SGCZ: variants seen among roughly 807,000 people sequenced by gnomAD.
SGCZ encodes sarcoglycan zeta, also known as zeta-sarcoglycan.
Under a neutral mutation model 41.3 loss-of-function variants are expected in SGCZ, and 40 were observed. That is an observed-to-expected ratio of 0.97 (90% confidence interval 0.75 to 1.26). SGCZ has a LOEUF of 1.26. Ranked by LOEUF, SGCZ falls within the 50% of genes most tolerant of loss-of-function variation. SGCZ has a pLI of 0.00. For synonymous variants in SGCZ, 206 were observed against 137.5 expected (o/e 1.50, Z -3.49); for missense variants, 552 against 369.8 (o/e 1.49, Z -4.04).
intron 1 of SGCZ, among the ~76,000 whole-genome samples, chr8:15,078,568 T>C (rs1805629596): frequency 6.6e-6 from 1 of 152,056 alleles, no homozygotes; most frequent in Non-Finnish European, 1.5e-5. Flanking sequence ...ACATTTTGAG[T>C]CCATTGGTGA....
intron 2 of SGCZ, among the ~76,000 whole-genome samples, chr8:14,543,395 A>G (rs527481555): frequency 4.0e-4 from 61 of 151,558 alleles, no homozygotes; most frequent in Admixed American, 3.3e-4. Flanking sequence ...TGAGTTCTTA[A>G]AACACAGTTT....
intron 3 of SGCZ, among the ~76,000 whole-genome samples, chr8:14,267,333 A>G (rs1018445058): frequency 3.3e-4 from 50 of 152,066 alleles, no homozygotes; most frequent in African/African-American, 9.7e-4. Flanking sequence ...CACGGGAGGA[A>G]AAAAGCATGG....
intron 1 of SGCZ, among the ~76,000 whole-genome samples, chr8:14,921,451 T>A (rs913893559): frequency 1.3e-5 from 2 of 152,058 alleles, no homozygotes; most frequent in South Asian, 2.1e-4. Context: ...TTAAAGGGCA[T>A]AATACATTTT....
At chr8:14,582,823 A>G (rs1245821607) in intron 1 of SGCZ, among the ~76,000 whole-genome samples, 1 of 151,056 alleles carries the variant, frequency 6.6e-6, no homozygotes, top group Non-Finnish European at 1.5e-5. Context: ...CCATGTCCCT[A>G]CAAAGGACAT....
intron 2 of SGCZ, among the ~76,000 whole-genome samples, chr8:14,487,027 A>G (rs1801694956): frequency 6.6e-6 from 1 of 152,156 alleles, no homozygotes; most frequent in African/African-American, 2.4e-5. Context: ...CAATCAGAAC[A>G]GTGACGTGTT....
chr8:14,556,370 A>G (rs1266445768), intron 1 of SGCZ, among the ~76,000 whole-genome samples: 1 of 151,814 alleles, frequency 6.6e-6, no homozygotes, highest in African/African-American at 2.4e-5. Context: ...TAAGTAATAT[A>G]AAATATATGT....
chr8:14,783,156 G>A (rs1322985583), intron 1 of SGCZ, among the ~76,000 whole-genome samples: 4 of 152,044 alleles, frequency 2.6e-5, no homozygotes, highest in South Asian at 2.1e-4. Flanking sequence ...GTATATGGCC[G>A]GGCACGGTGG....
At chr8:14,403,152 T>G (rs1799123550) in intron 2 of SGCZ, among the ~76,000 whole-genome samples, 1 of 150,322 alleles carries the variant, frequency 6.7e-6, no homozygotes, top group Non-Finnish European at 1.5e-5. Flanking sequence ...ATCCCGAGAC[T>G]TTGCTGAAGT....
At chr8:14,629,528 G>C (rs80030371) in intron 1 of SGCZ, among the ~76,000 whole-genome samples, 1 of 151,624 alleles carries the variant, frequency 6.6e-6, no homozygotes, top group Non-Finnish European at 1.5e-5. Context: ...AAGTGCATAA[G>C]ATATCGGGAA....
At chr8:15,048,632 T>C (rs1000244545) in intron 1 of SGCZ, among the ~76,000 whole-genome samples, 15 of 151,998 alleles carry the variant, frequency 9.9e-5, no homozygotes, top group Admixed American at 3.3e-4. Context: ...ATTTTAAAAA[T>C]TGTGAAAAAG....
At chr8:14,812,604 A>C (rs755268204) in intron 1 of SGCZ, among the ~76,000 whole-genome samples, 4 of 152,100 alleles carry the variant, frequency 2.6e-5, no homozygotes, top group Non-Finnish European at 5.9e-5. Context: ...AATGGCCTCC[A>C]AACACCCTAA....
chr8:14,591,988 T>C (rs1489992230), intron 1 of SGCZ, among the ~76,000 whole-genome samples: 3 of 152,140 alleles, frequency 2.0e-5, no homozygotes, highest in African/African-American at 7.2e-5. Flanking sequence ...TAAACAGTTA[T>C]TGGAACAATT....
chr8:14,323,164 A>C (rs1801986606), intron 3 of SGCZ, among the ~76,000 whole-genome samples: 1 of 152,102 alleles, frequency 6.6e-6, no homozygotes, highest in African/African-American at 2.4e-5. Context: ...TAAATGTTTT[A>C]TGAGAAGCAA....
At chr8:15,054,560 A>T (rs77702572) in intron 1 of SGCZ, among the ~76,000 whole-genome samples, 1 of 152,192 alleles carries the variant, frequency 6.6e-6, no homozygotes, top group Non-Finnish European at 1.5e-5. Context: ...GCCGTAGTAT[A>T]TAACAGTTTA....
intron 1 of SGCZ, among the ~76,000 whole-genome samples, chr8:15,216,649 A>G (rs150819080): frequency 6.6e-6 from 1 of 152,300 alleles, no homozygotes; most frequent in East Asian, 1.9e-4. Context: ...CTCACTATTA[A>G]AGAAAATATG....
At chr8:15,197,612 A>G (rs990457303) in intron 1 of SGCZ, among the ~76,000 whole-genome samples, 5 of 152,152 alleles carry the variant, frequency 3.3e-5, no homozygotes, top group Non-Finnish European at 7.3e-5. Flanking sequence ...TGAAAATCAG[A>G]ATGAATAAAG....
At chr8:14,928,947 A>G (rs923946507) in intron 1 of SGCZ, among the ~76,000 whole-genome samples, 1 of 152,150 alleles carries the variant, frequency 6.6e-6, no homozygotes, top group African/African-American at 2.4e-5. Flanking sequence ...GCTTGATGTT[A>G]TGAAATTCAT....
intron 3 of SGCZ, among the ~76,000 whole-genome samples, chr8:14,246,538 T>C (rs1196872730): frequency 6.6e-6 from 1 of 151,398 alleles, no homozygotes; most frequent in African/African-American, 2.4e-5. Flanking sequence ...ATGGCACATG[T>C]ATACATATGT....
At chr8:15,117,503 A>G (rs1807317215) in intron 1 of SGCZ, among the ~76,000 whole-genome samples, 2 of 152,198 alleles carry the variant, frequency 1.3e-5, no homozygotes, top group Admixed American at 1.3e-4. Flanking sequence ...ACAGAGGGAG[A>G]AGAGATTTCA....
Sources: gnomAD v4.1 joint callset for allele counts (sites outside exome capture counted in the v4.1 genomes callset) on GRCh38, gnomAD v4.1.1 for gene constraint, MANE v1.5 for transcripts, NCBI Gene and HGNC (gene_info 2026-07-23, HGNC 2026-07-21) for gene names.